HAO1: variants seen among roughly 807,000 people sequenced by gnomAD.
HAO1 encodes hydroxyacid oxidase 1.
Under a neutral mutation model 39.7 loss-of-function variants are expected in HAO1, and 34 were observed. That is an observed-to-expected ratio of 0.86 (90% CI 0.65 to 1.14). The LOEUF (loss-of-function observed/expected upper bound fraction) is 1.14, where lower values mean the gene tolerates loss of function less well. Ranked by LOEUF, HAO1 falls within the 50% of genes most tolerant of loss-of-function variation. The pLI is 0.00. For missense variants in HAO1, 479 were observed against 464.5 expected, an observed-to-expected ratio of 1.03 and a Z score of -0.29; for synonymous variants, 172 against 173.2, an observed-to-expected ratio of 0.99 and a Z score of 0.05.
intron 2 of HAO1, among the ~76,000 whole-genome samples, chr20:7,921,084 CA>C (rs771597771): frequency 3.3e-5 from 5 of 149,718 alleles, no homozygotes; most frequent in Non-Finnish European, 7.4e-5. Flanking sequence ...GGAACTCAAA[CA>C]ACTCAATAGC....
chr20:7,892,562 T>C (rs2050179050), intron 5 of HAO1, among the ~76,000 whole-genome samples: 1 of 152,218 alleles, frequency 6.6e-6, no homozygotes, highest in Non-Finnish European at 1.5e-5. Flanking sequence ...AACAGACCAC[T>C]ACTAGTTGGC....
intron 2 of HAO1, among the ~76,000 whole-genome samples, chr20:7,916,492 C>T (rs1410247455): frequency 6.6e-6 from 1 of 152,096 alleles, no homozygotes; most frequent in Admixed American, 6.6e-5. Flanking sequence ...TTTAGCAGGA[C>T]AATCCCCTGG....
chr20:7,927,806 A>G lies in HAO1; in HGVS notation c.289+6678T>C, dbSNP rs183164920. On this transcript the variant is annotated intron_variant, in intron 2 of 7. Transcript: ENST00000378789. ...GTGCTTGCCTTAGGATTCTTGCTACAGTTAATGACGTTTGGAAATACCAGT... is the reference window on the plus strand; with the variant it reads ...GTGCTTGCCTTAGGATTCTTGCTACGGTTAATGACGTTTGGAAATACCAGT... Among the ~76,000 whole-genome samples, 235 of 152,336 alleles carry G rather than the reference A, an allele frequency of 1.5e-3. 1 individual carries two copies. The highest frequency in any genetic ancestry group is 5.5e-3 in the African/African-American group (229 of 41,580).
At chr20:7,921,264 A>G (rs2050330950) in intron 2 of HAO1, among the ~76,000 whole-genome samples, 1 of 152,162 alleles carries the variant, frequency 6.6e-6, no homozygotes, top group Non-Finnish European at 1.5e-5. Flanking sequence ...ACATGACAAA[A>G]CAGATAACCC....
At chr20:7,902,280 A>G (rs1383456420) in intron 4 of HAO1, among the ~76,000 whole-genome samples, 1 of 152,202 alleles carries the variant, frequency 6.6e-6, no homozygotes, top group Non-Finnish European at 1.5e-5. Context: ...AAGTTAATCG[A>G]TGCATCAAAC....
At chr20:7,940,258 C>T (rs1049911290) in intron 1 of HAO1, 28 bp downstream of exon 1, 2 of 1,559,926 alleles carry the variant, frequency 1.3e-6, no homozygotes, top group Non-Finnish European at 1.7e-6. Context: ...AATTTTAAAA[C>T]ATGATTTTAA....
At chr20:7,890,883 C>T (rs1399421592) in intron 5 of HAO1, among the ~76,000 whole-genome samples, 1 of 152,092 alleles carries the variant, frequency 6.6e-6, no homozygotes, top group Non-Finnish European at 1.5e-5. Context: ...TAATTCATTC[C>T]TTTTTATGGC....
rs374041608 is a variant in HAO1, at chr20:7,914,247, G to A, written c.462C>T (p.Ala154=). 1 of 1,613,840 alleles carries A rather than the reference G, an allele frequency of 6.2e-7. No individual in the cohort carries two copies. Among genetic ancestry groups the A allele is most frequent in the African/African-American group, 1.3e-5 (1 of 74,894 alleles). Residue 154 remains alanine (A), a synonymous_variant, in exon 3 of 8, where the codon GCC becomes GCT. Transcript: ENST00000378789. ...VRQAEKMGYK[A]IFVTVDTPYL... is the part of the protein sequence containing the mutation. ...AAGGTGTGTCCACTGTCACAAATAT[G>A]GCCTTGTAGCCCATCTTCTCTGCCT...
intron 4 of HAO1, among the ~76,000 whole-genome samples, chr20:7,902,857 C>A (rs2050226985): frequency 6.6e-6 from 1 of 152,286 alleles, no homozygotes; most frequent in Middle Eastern, 3.4e-3. Context: ...GCAGTTTAAC[C>A]ACACACAGTA....
At chr20:7,888,572 G>A (rs1341152504) in intron 5 of HAO1, among the ~76,000 whole-genome samples, 2 of 152,142 alleles carry the variant, frequency 1.3e-5, no homozygotes, top group African/African-American at 2.4e-5. Flanking sequence ...TCCCTTGACT[G>A]TCTACCCACC....
At chr20:7,938,907 T>A (rs1023370476) in intron 1 of HAO1, among the ~76,000 whole-genome samples, 2 of 152,114 alleles carry the variant, frequency 1.3e-5, no homozygotes, top group African/African-American at 2.4e-5. Flanking sequence ...TGTATACAAA[T>A]GAAATAAATA....
In HAO1 at chr20:7,883,439, G is replaced by T. The variant is rs752292560; in HGVS notation, c.*154C>A. On this transcript the variant is annotated 3_prime_UTR_variant, in exon 8 of 8. Transcript: ENST00000378789. ...CACCCATTGAAAAGTCAAAAGCAAT[G>T]AAATAAAAGGGATTGCTATTTTGTT... 6.3e-6 allele frequency: 4 copies of T among 632,606 alleles called. No homozygotes were observed. Among genetic ancestry groups the T allele is most frequent in the South Asian group, 1.9e-5 (1 of 51,330 alleles). The allele number at this position is 632,606 out of a possible 1,614,324, so 39.2% of individuals were successfully genotyped here.
chr20:7,888,612 A>G (rs1342879296), intron 5 of HAO1, among the ~76,000 whole-genome samples: 2 of 152,110 alleles, frequency 1.3e-5, no homozygotes, highest in African/African-American at 4.8e-5. Context: ...ACGCAGCCCT[A>G]AGGGGCTTTT....
intron 2 of HAO1, among the ~76,000 whole-genome samples, chr20:7,920,409 C>T (rs937502533): frequency 6.6e-6 from 1 of 151,918 alleles, no homozygotes; most frequent in South Asian, 2.1e-4. Flanking sequence ...ACCAACTTAC[C>T]ATTTTTTTGT....
intron 4 of HAO1, 143 bp from the exon 5 acceptor site, chr20:7,895,367 A>T (rs2050192164): frequency 3.4e-6 from 2 of 590,166 alleles, no homozygotes; most frequent in Non-Finnish European, 6.1e-6. Flanking sequence ...AGTATACCCT[A>T]GGGTTAGCGC....
intron 4 of HAO1, 57 bp from the exon 5 acceptor site, chr20:7,895,281 T>A: frequency 9.4e-7 from 1 of 1,062,962 alleles, no homozygotes; most frequent in Non-Finnish European, 1.5e-6. Context: ...GCAGCTTGGG[T>A]TTAGAGGCCT....
intron 1 of HAO1, 75 bp from the exon 2 acceptor site, chr20:7,934,710 T>A (rs1452622653): frequency 8.0e-6 from 7 of 871,364 alleles, no homozygotes; most frequent in Non-Finnish European, 8.1e-6. Context: ...ACATTACATT[T>A]TAGTTAAAAG....
chr20:7,884,380 G>A (rs1196608299), intron 7 of HAO1, among the ~76,000 whole-genome samples: 1 of 152,122 alleles, frequency 6.6e-6, no homozygotes, highest in African/African-American at 2.4e-5. Context: ...TTCTATGATA[G>A]CTGATATATA....
chr20:7,901,459 C>T (rs2223276), intron 4 of HAO1, among the ~76,000 whole-genome samples: 10,026 of 152,104 alleles, frequency 0.066, 854 homozygotes, highest in East Asian at 0.41. Context: ...AACAACAGTC[C>T]GAATGGCAGC....
Sources: gnomAD v4.1 joint callset for allele counts (sites outside exome capture counted in the v4.1 genomes callset) on GRCh38, gnomAD v4.1.1 for gene constraint, MANE v1.5 for transcripts, NCBI Gene and HGNC (gene_info 2026-07-23, HGNC 2026-07-21) for gene names.